The following MEIS2 variants were observed in gnomAD, a reference collection of about 807,000 sequenced individuals.
The protein encoded by MEIS2 is homeobox protein Meis2.
A neutral mutation model predicts 58.6 loss-of-function variants in MEIS2; 9 were observed. That is an observed-to-expected ratio of 0.15 (90% confidence interval 0.09 to 0.27). The LOEUF is 0.27. MEIS2 is among the 10% of genes least tolerant of loss of function. The probability of loss-of-function intolerance (pLI) is 1.00; values close to 1 mark genes in which losing one functional copy is unlikely to be tolerated. For missense variants in MEIS2, 427 were observed against 635.0 expected, an observed-to-expected ratio of 0.67 and a Z score of 3.52; for synonymous variants, 221 against 228.4, an observed-to-expected ratio of 0.97 and a Z score of 0.29.
intron 8 of MEIS2, among the ~76,000 whole-genome samples, chr15:37,001,371 C>A (rs745625864): frequency 3.3e-5 from 5 of 152,148 alleles, no homozygotes; most frequent in African/African-American, 1.2e-4. Flanking sequence ...TCTTCCTACT[C>A]CAGCCCTTTA....
chr15:36,998,236 G>GTTTTTTTTTTT (rs5811954), intron 8 of MEIS2, among the ~76,000 whole-genome samples: 13 of 66,766 alleles, frequency 1.9e-4, no homozygotes, highest in African/African-American at 2.3e-4. Flanking sequence ...AAAACACAAA[G>GTTTTTTTTTTT]TTTTTTTTTT....
chr15:37,099,676 C>CT lies in MEIS2; in HGVS notation c.-211dup. 1 of 571,024 alleles carries CT rather than the reference C, an allele frequency of 1.8e-6. No homozygotes were observed. Among genetic ancestry groups the CT allele is most frequent in the Non-Finnish European group, 2.9e-6 (1 of 341,442 alleles). 35.4% of individuals were successfully genotyped at this position (571,024 alleles called of 1,614,324 possible). On this transcript the variant is annotated 5_prime_UTR_variant, in exon 1 of 12. Coordinates refer to ENST00000561208, the MANE Select transcript of MEIS2 (RefSeq NM_170675.5). ...TTTCTGTGATATTTCTTCTTTTTCT[C>CT]TTTTTTCCTCTTCTTCCTCCTCCTC... is the stretch of plus-strand genomic sequence containing the variant.
At chr15:37,012,414 C>T (rs543601935) in intron 8 of MEIS2, among the ~76,000 whole-genome samples, 19 of 152,290 alleles carry the variant, frequency 1.2e-4, no homozygotes, top group Admixed American at 1.2e-3. Flanking sequence ...AGCATGCTTC[C>T]GTTTTTATCA....
chr15:37,072,059 C>T (rs1398325215), intron 7 of MEIS2, among the ~76,000 whole-genome samples: 1 of 151,970 alleles, frequency 6.6e-6, no homozygotes, highest in Non-Finnish European at 1.5e-5. Context: ...TAATGTCAGT[C>T]CTCTCCCCTC....
chr15:37,072,823 C>T (rs185136385), intron 7 of MEIS2, among the ~76,000 whole-genome samples: 3 of 152,070 alleles, frequency 2.0e-5, no homozygotes, highest in African/African-American at 4.8e-5. Flanking sequence ...TAATATCCCT[C>T]CCCCCTTCCC....
intron 7 of MEIS2, among the ~76,000 whole-genome samples, chr15:37,046,186 C>T (rs2062662476): frequency 6.6e-6 from 1 of 152,216 alleles, no homozygotes; most frequent in Non-Finnish European, 1.5e-5. Flanking sequence ...TTCTCACTGG[C>T]TTGGCCAGCC....
At chr15:37,046,252 T>C (rs16964591) in intron 7 of MEIS2, among the ~76,000 whole-genome samples, 4,410 of 152,202 alleles carry the variant, frequency 0.029, 224 homozygotes, top group African/African-American at 0.1. Context: ...TTCTACAACC[T>C]GGAGAAGGCA....
chr15:36,932,586 C>T (rs140673500), intron 9 of MEIS2, among the ~76,000 whole-genome samples: 259 of 151,916 alleles, frequency 1.7e-3, no homozygotes, highest in African/African-American at 5.8e-3. Context: ...GGCTTTTGTT[C>T]ATTTGTTTTT....
At position 37,026,311 on chromosome 15, in the gene MEIS2, C is replaced by T. The variant is rs571743974; in HGVS notation, c.900+10503G>A. Among the ~76,000 whole-genome samples, 339 of 152,196 alleles carry T rather than the reference C, an allele frequency of 2.2e-3. 1 individual carries two copies. The highest frequency in any genetic ancestry group is 3.9e-3 in the Non-Finnish European group (266 of 68,020). On this transcript the variant is annotated intron_variant, in intron 8 of 11. Transcript: ENST00000561208. ...GTACACTTGGGTTGTTTTTTGTCAG[C>T]GTACGATGGGATCACACCATGTATT...
At chr15:36,942,324 C>A (rs1015364216) in intron 9 of MEIS2, among the ~76,000 whole-genome samples, 12 of 152,124 alleles carry the variant, frequency 7.9e-5, no homozygotes, top group African/African-American at 1.9e-4. Context: ...AAGTAAGGCT[C>A]TATGTATTTT....
intron 9 of MEIS2, among the ~76,000 whole-genome samples, chr15:36,929,547 C>T (rs2057887273): frequency 6.6e-6 from 1 of 152,166 alleles, no homozygotes; most frequent in Non-Finnish European, 1.5e-5. Context: ...AGGGAGAATA[C>T]ACTCCAAGTT....
At chr15:37,024,645 C>A (rs1345773971) in intron 8 of MEIS2, among the ~76,000 whole-genome samples, 1 of 152,218 alleles carries the variant, frequency 6.6e-6, no homozygotes, top group Admixed American at 6.5e-5. Context: ...GATTAAGCAT[C>A]CAGATTGAAA....
intron 9 of MEIS2, among the ~76,000 whole-genome samples, chr15:36,924,162 G>A (rs2141306084): frequency 6.6e-6 from 1 of 152,232 alleles, no homozygotes; most frequent in East Asian, 1.9e-4. Flanking sequence ...ATATACAGTG[G>A]GCTATAAATA....
chr15:37,085,396 A>C (rs911186602), intron 6 of MEIS2, among the ~76,000 whole-genome samples: 1 of 152,190 alleles, frequency 6.6e-6, no homozygotes, highest in Non-Finnish European at 1.5e-5. Context: ...TACATATAGC[A>C]TGGATGATGT....
chr15:37,100,571 G>T (rs1567305051), upstream of MEIS2: 1 of 151,558 alleles, frequency 6.6e-6, no homozygotes, highest in Non-Finnish European at 1.5e-5. Context: ...CCCGGCTGGG[G>T]GGGTGGGGGA....
At chr15:36,914,777 T>C (rs1432573272) in intron 9 of MEIS2, among the ~76,000 whole-genome samples, 1 of 151,792 alleles carries the variant, frequency 6.6e-6, no homozygotes, top group Non-Finnish European at 1.5e-5. Flanking sequence ...ATTTTTTTTT[T>C]CCAACTTTCC....
At chr15:37,034,650 T>G (rs1371782851) in intron 8 of MEIS2, among the ~76,000 whole-genome samples, 1 of 152,152 alleles carries the variant, frequency 6.6e-6, no homozygotes, top group Non-Finnish European at 1.5e-5. Flanking sequence ...CACTCCCATG[T>G]GAGATTCAAC....
At position 36,892,157 on chromosome 15, in the gene MEIS2, C is replaced by T. The variant is rs905973321; in HGVS notation, c.*16G>A. On this transcript the variant is annotated 3_prime_UTR_variant, in exon 12 of 12. Transcript: ENST00000561208. ...AGTTTTTGCGTGTGTTTCCTTTTCCCTTGAGTTCCCTTATACTATTGGGCA... is the reference window on the plus strand; with the variant it reads ...AGTTTTTGCGTGTGTTTCCTTTTCCTTTGAGTTCCCTTATACTATTGGGCA... The T allele has an allele frequency of 1.9e-6, 3 of 1,613,076 alleles. No individual in the cohort carries two copies. Among genetic ancestry groups the T allele is most frequent in the African/African-American group, 2.7e-5 (2 of 74,986 alleles).
At chr15:37,044,809 G>C (rs1316469623) in intron 7 of MEIS2, among the ~76,000 whole-genome samples, 1 of 152,134 alleles carries the variant, frequency 6.6e-6, no homozygotes, top group Non-Finnish European at 1.5e-5. Context: ...TTGTCTGTGA[G>C]CTTTTGCTAG....
Sources: gnomAD v4.1 joint callset for allele counts (sites outside exome capture counted in the v4.1 genomes callset) on GRCh38, gnomAD v4.1.1 for gene constraint, MANE v1.5 for transcripts, NCBI Gene and HGNC (gene_info 2026-07-23, HGNC 2026-07-21) for gene names.